The following C4orf50 variants were observed in gnomAD, a reference collection of about 807,000 sequenced individuals.
C4orf50 encodes the protein uncharacterized protein C4orf50.
In C4orf50, 80 loss-of-function variants were observed where a neutral mutation model predicts 77.2. The ratio of observed to expected loss-of-function variants is 1.04; its 90% CI spans 0.87 to 1.25. The LOEUF (loss-of-function observed/expected upper bound fraction) is 1.25, where lower values mean the gene tolerates loss of function less well. C4orf50 is among the 50% of genes most tolerant of loss of function. C4orf50 has a pLI of 0.00. For missense variants in C4orf50, 1,257 were observed against 1,152.9 expected, an observed-to-expected ratio of 1.09 and a Z score of -1.31; for synonymous variants, 532 against 465.3, an observed-to-expected ratio of 1.14 and a Z score of -1.84.
In C4orf50 at chr4:6,010,319, G is replaced by A. The variant is rs550244514; in HGVS notation, c.426+1511C>T. Among the ~76,000 whole-genome samples, 6 of 152,152 alleles carry A rather than the reference G, an allele frequency of 3.9e-5. No individual in the cohort carries two copies. In the East Asian group the frequency reaches 1.2e-3, roughly 29 times the overall value. On this transcript the variant is annotated intron_variant, in intron 24 of 33. Transcript: ENST00000531445. ...TCTGCACCTGAAGTTCAGTATAAAGGGGAAAAAAATTCCACTAGGATATCT... is the reference window on the plus strand; with the variant it reads ...TCTGCACCTGAAGTTCAGTATAAAGAGGAAAAAAATTCCACTAGGATATCT...
At chr4:5,957,426 G>C (rs1719031969) in exon 34 of C4orf50, 1 of 152,226 alleles carries the variant, frequency 6.6e-6, no homozygotes, top group African/African-American at 2.4e-5. Flanking sequence ...AAAATACAGA[G>C]GGAGGCAGAA....
chr4:5,940,009 G>A (rs757723228), intron 7 of C4orf50, among the ~76,000 whole-genome samples: 4 of 152,236 alleles, frequency 2.6e-5, no homozygotes, highest in South Asian at 2.1e-4. Context: ...ATTTTTGAAC[G>A]TGGGTCCCAT....
At chr4:5,903,677 G>A (rs1053014498) in intron 7 of C4orf50, 2 of 152,146 alleles carry the variant, frequency 1.3e-5, no homozygotes, top group South Asian at 2.1e-4. Context: ...TGAATATGGT[G>A]TTTCTAATTT....
chr4:6,000,587 C>T lies in C4orf50; in HGVS notation c.964-6111G>A, dbSNP rs1270060617. ...CAACACCAGGGTCCTCCCCCAGTGACCCACGGACTCCACAGGGCTCATTTC... is the reference window on the plus strand; with the variant it reads ...CAACACCAGGGTCCTCCCCCAGTGATCCACGGACTCCACAGGGCTCATTTC... On this transcript the variant is annotated intron_variant, in intron 25 of 33. Coordinates refer to ENST00000531445, the Ensembl canonical transcript of C4orf50. The surrounding 1 kb of genome is among the most constrained non-coding windows in gnomAD (Gnocchi z 6.0). 2.0e-5 allele frequency among the ~76,000 whole-genome samples: 3 copies of T among 152,154 alleles called. No individual in the cohort carries two copies. Among genetic ancestry groups the T allele is most frequent in the African/African-American group, 7.2e-5 (3 of 41,446 alleles).
chr4:5,961,612 C>A (rs779463237), intron 33 of C4orf50, among the ~76,000 whole-genome samples: 1 of 152,220 alleles, frequency 6.6e-6, no homozygotes, highest in Non-Finnish European at 1.5e-5. Context: ...TAGGAGCCTG[C>A]TGCAAGATTT....
At chr4:5,990,740 G>C in exon 28 of C4orf50, 1 of 399,140 alleles carries the variant, frequency 2.5e-6, no homozygotes. Flanking sequence ...ATGCGGAGGA[G>C]TGACTCGTCC....
chr4:5,971,794 C>T (rs575988635), intron 31 of C4orf50, among the ~76,000 whole-genome samples: 29 of 152,252 alleles, frequency 1.9e-4, no homozygotes, highest in African/African-American at 7.0e-4. Flanking sequence ...CCAGTGTATA[C>T]ATCATTCTCT....
intron 33 of C4orf50, among the ~76,000 whole-genome samples, chr4:5,964,407 A>C (rs1425624454): frequency 6.6e-6 from 1 of 151,124 alleles, no homozygotes; most frequent in Admixed American, 6.6e-5. Context: ...TCCTCTGTGG[A>C]TGGAGATACT....
intron 30 of C4orf50, among the ~76,000 whole-genome samples, chr4:5,974,421 G>C (rs1720131827): frequency 1.3e-5 from 2 of 148,640 alleles, no homozygotes; most frequent in African/African-American, 5.0e-5. Context: ...GGCGCGGCAG[G>C]AATTATGACG....
chr4:5,969,518 C>T (rs1169726101), intron 31 of C4orf50, among the ~76,000 whole-genome samples: 1 of 151,732 alleles, frequency 6.6e-6, no homozygotes, highest in Non-Finnish European at 1.5e-5. Flanking sequence ...GGTCACCTAC[C>T]TCTTTGCCCC....
At chr4:5,967,513 G>T in intron 31 of C4orf50, 51 bp from the exon 10 acceptor site, 2 of 1,537,968 alleles carry the variant, frequency 1.3e-6, no homozygotes, top group Non-Finnish European at 1.8e-6. Flanking sequence ...TGGAGAGACA[G>T]CCTTGCACAG....
chr4:5,915,576 C>T (rs10029650), intron 7 of C4orf50, among the ~76,000 whole-genome samples: 6,549 of 152,252 alleles, frequency 0.043, 497 homozygotes, highest in African/African-American at 0.15. Context: ...ACAGCAGCCA[C>T]CTTGTGACAT....
At chr4:5,976,201 T>A (rs527909505) in intron 29 of C4orf50, among the ~76,000 whole-genome samples, 2 of 151,980 alleles carry the variant, frequency 1.3e-5, no homozygotes, top group South Asian at 2.1e-4. Context: ...ATCCCAGCAC[T>A]TTGGGAGGCC....
At chr4:5,929,267 G>A (rs1418840904) in intron 7 of C4orf50, among the ~76,000 whole-genome samples, 1 of 152,172 alleles carries the variant, frequency 6.6e-6, no homozygotes, top group Non-Finnish European at 1.5e-5. Context: ...AGTTTTCAAA[G>A]GTGTGAATAT....
chr4:5,946,240 C>T (rs958826980), intron 7 of C4orf50, among the ~76,000 whole-genome samples: 2 of 152,070 alleles, frequency 1.3e-5, no homozygotes, highest in African/African-American at 4.8e-5. Context: ...GAAGGAGCTC[C>T]CAGGGTGGGA....
At chr4:5,979,777 G>T (rs781762884) in intron 29 of C4orf50, among the ~76,000 whole-genome samples, 2 of 152,188 alleles carry the variant, frequency 1.3e-5, no homozygotes, top group Admixed American at 6.5e-5. Context: ...ATCTTTTTCA[G>T]ATCTCTCCAG....
intron 7 of C4orf50, among the ~76,000 whole-genome samples, chr4:5,936,666 CAT>C (rs1296121772): frequency 7.1e-6 from 1 of 141,412 alleles, no homozygotes; most frequent in Non-Finnish European, 1.5e-5. Flanking sequence ...TAAAACTTAA[CAT>C]GAGTTTCAGA....
At chr4:6,004,250 ATGGTGATGGTGATGG>A (rs1291724904) in intron 25 of C4orf50, among the ~76,000 whole-genome samples, 3 of 35,678 alleles carry the variant, frequency 8.4e-5, no homozygotes, top group African/African-American at 2.3e-4. Context: ...GATGGTGATG[ATGGTGATGGTGATGG>A]TGGTGATGGT....
At chr4:5,959,559 C>A (rs972439164) in exon 34 of C4orf50, 1 of 1,614,132 alleles carries the variant, frequency 6.2e-7, no homozygotes, top group African/African-American at 1.3e-5. Context: ...TGCGGGGAGA[C>A]CTGGTTCCAC....
Sources: gnomAD v4.1 joint callset for allele counts (sites outside exome capture counted in the v4.1 genomes callset) on GRCh38, gnomAD v4.1.1 for gene constraint, Gnocchi (gnomAD v3.1) non-coding constraint, MANE v1.5 for transcripts, NCBI Gene and HGNC (gene_info 2026-07-23, HGNC 2026-07-21) for gene names.